Variants in RGS5 observed in about 807,000 individuals in gnomAD.
RGS5 encodes regulator of G protein signaling 5.
RGS5 carries 20 observed loss-of-function variants against 18.9 expected under a neutral mutation model. The ratio of observed to expected loss-of-function variants is 1.06; its 90% CI spans 0.74 to 1.54. The LOEUF (loss-of-function observed/expected upper bound fraction) is 1.54. Among genes scored for constraint, RGS5 ranks in the 40% most tolerant of loss-of-function variants. The pLI, the probability that RGS5 is intolerant of heterozygous loss-of-function variation, is 0.00. For missense variants in RGS5, 201 were observed against 211.8 expected (o/e 0.95, Z 0.32); for synonymous variants, 57 against 76.2 (o/e 0.75, Z 1.31).
At chr1:163,266,979 G>A (rs1648587458) in intron 2 of RGS5, among the ~76,000 whole-genome samples, 1 of 152,030 alleles carries the variant, frequency 6.6e-6, no homozygotes, top group Non-Finnish European at 1.5e-5. Context: ...AGAGAAAGAG[G>A]GAAAGAACAG....
chr1:163,180,895 C>T (rs1186887514), intron 1 of RGS5, among the ~76,000 whole-genome samples: 1 of 151,736 alleles, frequency 6.6e-6, no homozygotes, highest in Non-Finnish European at 1.5e-5. Context: ...GGGGTTACAC[C>T]GCGTTAGCGA....
intron 2 of RGS5, among the ~76,000 whole-genome samples, chr1:163,255,361 A>G (rs1490577848): frequency 6.6e-6 from 1 of 152,152 alleles, no homozygotes; most frequent in Non-Finnish European, 1.5e-5. Context: ...GAAAATCTAG[A>G]AGAAATGGGT....
chr1:163,143,220 G>C lies in RGS5; in HGVS notation c.*4122C>G, dbSNP rs1441746556. ...CTAAAGAGCCTTGTGCGAAGCAAGTGTTCGATACGTGCTTGTCTAATAGAA... is the reference window on the plus strand; with the variant it reads ...CTAAAGAGCCTTGTGCGAAGCAAGTCTTCGATACGTGCTTGTCTAATAGAA... On this transcript the variant is annotated 3_prime_UTR_variant, in exon 5 of 5. Transcript: ENST00000313961. 6.6e-6 allele frequency: 1 copy of C among 152,174 alleles called. No individual in the cohort carries two copies. Among genetic ancestry groups the C allele is most frequent in the African/African-American group, 2.4e-5 (1 of 41,454 alleles). The allele number at this position is 152,174 out of a possible 1,614,324, so 9.4% of individuals were successfully genotyped here.
chr1:163,212,592 T>G (rs1045959163), intron 1 of RGS5: 6 of 152,242 alleles, frequency 3.9e-5, no homozygotes, highest in Admixed American at 6.5e-5. Flanking sequence ...GTGCTGGGCA[T>G]GCCTGCCACT....
chr1:163,204,516 G>A (rs571539118), upstream of RGS5, among the ~76,000 whole-genome samples: 33 of 152,182 alleles, frequency 2.2e-4, no homozygotes, highest in Middle Eastern at 3.4e-3. Context: ...TGCCTAGCTA[G>A]TTTTTAAATT....
chr1:163,241,807 C>T (rs1400953824), intron 2 of RGS5, among the ~76,000 whole-genome samples: 1 of 152,098 alleles, frequency 6.6e-6, no homozygotes, highest in Admixed American at 6.5e-5. Context: ...GAAAAAGACA[C>T]AATATTTTCA....
chr1:163,183,617 A>G (rs1452471064), intron 1 of RGS5, among the ~76,000 whole-genome samples: 1 of 152,254 alleles, frequency 6.6e-6, no homozygotes, highest in African/African-American at 2.4e-5. Context: ...AATAATGTTG[A>G]TAATATCTAC....
intron 1 of RGS5, among the ~76,000 whole-genome samples, chr1:163,319,850 TAAC>T (rs1364609035): frequency 6.6e-6 from 1 of 152,194 alleles, no homozygotes; most frequent in Non-Finnish European, 1.5e-5. Flanking sequence ...TTATGGGTGA[TAAC>T]AAAACTCTTA....
At chr1:163,190,817 A>T (rs1659314479) in intron 1 of RGS5, among the ~76,000 whole-genome samples, 1 of 152,242 alleles carries the variant, frequency 6.6e-6, no homozygotes, top group African/African-American at 2.4e-5. Context: ...ACTCATGGGC[A>T]GTGGCCAATT....
Position 163,147,014 on chromosome 1 carries a change from C to T in RGS5, c.*328G>A, listed in dbSNP as rs189696275. The T allele has an allele frequency of 1.1e-5, 2 of 183,172 alleles. No homozygotes were observed. Among genetic ancestry groups the T allele is most frequent in the African/African-American group, 2.3e-5 (1 of 42,736 alleles). The allele number at this position is 183,172 out of a possible 1,614,324, so 11.3% of individuals were successfully genotyped here. The stretch of plus-strand genomic sequence containing the variant: ...ATTTAGCTGGAAATCTATTACTTAA[C>T]CCACATTCATTGATATCATAGTCTT... On this transcript the variant is annotated 3_prime_UTR_variant, in exon 5 of 5. Coordinates refer to ENST00000313961, the MANE Select transcript of RGS5 (RefSeq NM_003617.4).
At chr1:163,233,911 C>G (rs1318934555) in intron 2 of RGS5, among the ~76,000 whole-genome samples, 1 of 152,136 alleles carries the variant, frequency 6.6e-6, no homozygotes, top group Admixed American at 6.5e-5. Context: ...ATGGTGGAAT[C>G]ACAGCTAAGG....
rs145751365 is a variant in RGS5, at chr1:163,151,090, C to T, written c.384+1460G>A. Among the ~76,000 whole-genome samples, 213 of 152,270 alleles carry T rather than the reference C, an allele frequency of 1.4e-3. 1 individual carries two copies. The highest frequency in any genetic ancestry group is 3.7e-3 in the South Asian group (18 of 4,826). ...ATGAACAGGGCTTGCTGTGGCCATC[C>T]TGAATTCCACAATAGGCTTTCAATG... On this transcript the variant is annotated intron_variant, in intron 4 of 4. Coordinates refer to ENST00000313961, the MANE Select transcript of RGS5 (RefSeq NM_003617.4).
chr1:163,260,532 T>TA (rs1230792674), intron 2 of RGS5: 1 of 152,010 alleles, frequency 6.6e-6, no homozygotes, highest in Non-Finnish European at 1.5e-5. Flanking sequence ...AGCATAGAGA[T>TA]AAAAAATTGC....
chr1:163,214,477 G>A lies in RGS5; in HGVS notation c.69+3049C>T, dbSNP rs141128762. 8.1e-3 allele frequency among the ~76,000 whole-genome samples: 1,230 copies of A among 151,992 alleles called. 15 individuals carry two copies. Among genetic ancestry groups the A allele is most frequent in the Admixed American group, 0.025 (378 of 15,250 alleles). Reference sequence around the variant, plus strand: ...TATATACCCTTGCTCACAGATACAGGGCCTTGCTCCTTTCTATATAATCTC... The same window carrying A: ...TATATACCCTTGCTCACAGATACAGAGCCTTGCTCCTTTCTATATAATCTC... On this transcript the variant is annotated intron_variant, in intron 1 of 5. Coordinates refer to the RGS5 transcript ENST00000367903.
chr1:163,321,327 G>A (rs934519549), intron 1 of RGS5: 4 of 152,168 alleles, frequency 2.6e-5, no homozygotes, highest in Non-Finnish European at 4.4e-5. Flanking sequence ...GAAAGCGAGA[G>A]GATTTGACCA....
At chr1:163,208,269 A>AC (rs58302424) in intron 1 of RGS5, among the ~76,000 whole-genome samples, 4 of 145,908 alleles carry the variant, frequency 2.7e-5, no homozygotes, top group Non-Finnish European at 6.0e-5. Flanking sequence ...AATGGCGTGA[A>AC]CCCGGGAGGC....
At chr1:163,222,756 T>C (rs547436243) in intron 2 of RGS5, among the ~76,000 whole-genome samples, 3 of 152,018 alleles carry the variant, frequency 2.0e-5, no homozygotes, top group Non-Finnish European at 4.4e-5. Context: ...AAGACAGGGG[T>C]TCTTTGTTGA....
upstream of RGS5, among the ~76,000 whole-genome samples, chr1:163,218,939 A>G (rs893919188): frequency 6.6e-6 from 1 of 152,084 alleles, no homozygotes; most frequent in Non-Finnish European, 1.5e-5. Context: ...CACCCAAACT[A>G]TTGTCTATAA....
At chr1:163,209,060 CAATTAAGTAG>C (rs2101669118) in intron 1 of RGS5, among the ~76,000 whole-genome samples, 1 of 151,914 alleles carries the variant, frequency 6.6e-6, no homozygotes, top group African/African-American at 2.4e-5. Context: ...TAGTTAAGTC[CAATTAAGTAG>C]AAATATTACA....
Sources: allele counts gnomAD v4.1 joint callset (sites outside exome capture counted in the v4.1 genomes callset), GRCh38; gene constraint gnomAD v4.1.1; transcripts MANE v1.5; gene names NCBI Gene and HGNC (gene_info 2026-07-23, HGNC 2026-07-21).